The following MYO5B variants were observed in gnomAD, a reference collection of about 807,000 sequenced individuals.
The protein encoded by MYO5B is unconventional myosin-Vb.
Under a neutral mutation model 229.3 loss-of-function variants are expected in MYO5B, and 143 were observed. The observed-to-expected ratio is 0.62, with a 90% CI of 0.54 to 0.72. The LOEUF (loss-of-function observed/expected upper bound fraction) is 0.72, where lower values mean the gene tolerates loss of function less well. Among genes scored for constraint, MYO5B ranks in the 30% least tolerant of loss-of-function variants. The probability of loss-of-function intolerance (pLI) is 0.00; values close to 1 mark genes in which losing one functional copy is unlikely to be tolerated. For synonymous variants in MYO5B, 918 were observed against 885.2 expected, an observed-to-expected ratio of 1.04 and a Z score of -0.66; for missense variants, 2,321 against 2,331.0, an observed-to-expected ratio of 1.00 and a Z score of 0.09.
intron 38 of MYO5B, 25 bp from the exon 39 acceptor site, chr18:49,835,449 A>G (rs1444374359): frequency 6.9e-7 from 1 of 1,453,462 alleles, no homozygotes; most frequent in East Asian, 2.3e-5. Context: ...AACGGAATTT[A>G]GCACAGAGCT....
intron 4 of MYO5B, among the ~76,000 whole-genome samples, chr18:50,025,730 C>T (rs1371519693): frequency 6.6e-6 from 1 of 152,228 alleles, no homozygotes; most frequent in African/African-American, 2.4e-5. Context: ...TGGCCACCTT[C>T]TCTCATCTTC....
chr18:50,161,810 G>A (rs1173492292), intron 1 of MYO5B, among the ~76,000 whole-genome samples: 3 of 152,236 alleles, frequency 2.0e-5, no homozygotes, highest in African/African-American at 7.2e-5. Context: ...CTGCTGCCCT[G>A]AAGCAAAGTC....
intron 14 of MYO5B, among the ~76,000 whole-genome samples, chr18:49,944,614 T>TA (rs2025350922): frequency 6.6e-6 from 1 of 152,078 alleles, no homozygotes; most frequent in Non-Finnish European, 1.5e-5. Flanking sequence ...TACTAGATTT[T>TA]AACTTGCTCA....
intron 14 of MYO5B, among the ~76,000 whole-genome samples, chr18:49,944,805 T>C (rs2025353121): frequency 6.6e-6 from 1 of 152,036 alleles, no homozygotes; most frequent in African/African-American, 2.4e-5. Flanking sequence ...CTCTTCTCAC[T>C]TTACCATCGA....
At chr18:49,846,150 G>T (rs765553664) in intron 33 of MYO5B, among the ~76,000 whole-genome samples, 1 of 152,188 alleles carries the variant, frequency 6.6e-6, no homozygotes, top group Non-Finnish European at 1.5e-5. Context: ...GCAGATGATC[G>T]CAGGGACAGT....
intron 5 of MYO5B, among the ~76,000 whole-genome samples, chr18:49,997,312 T>C (rs1217713273): frequency 8.6e-6 from 1 of 115,898 alleles, no homozygotes; most frequent in African/African-American, 3.5e-5. Flanking sequence ...ATCCTGAAAA[T>C]AACATATCTG....
chr18:50,113,642 A>G (rs1466418974), intron 1 of MYO5B, among the ~76,000 whole-genome samples: 2 of 152,242 alleles, frequency 1.3e-5, no homozygotes, highest in African/African-American at 2.4e-5. Flanking sequence ...AAAAGCATCA[A>G]CTACACAAAG....
intron 1 of MYO5B, among the ~76,000 whole-genome samples, chr18:50,139,392 C>T (rs921038154): frequency 2.0e-5 from 3 of 152,222 alleles, no homozygotes; most frequent in South Asian, 2.1e-4. Flanking sequence ...GGCACATGAA[C>T]GAACAGGGTG....
At chr18:50,045,181 T>C (rs1354134355) in intron 2 of MYO5B, among the ~76,000 whole-genome samples, 1 of 152,066 alleles carries the variant, frequency 6.6e-6, no homozygotes, top group Non-Finnish European at 1.5e-5. Context: ...CCCTGGAATA[T>C]TTAGGGACTC....
chr18:50,149,441 A>C (rs1450363721), intron 1 of MYO5B, among the ~76,000 whole-genome samples: 1 of 151,708 alleles, frequency 6.6e-6, no homozygotes, highest in East Asian at 1.9e-4. Flanking sequence ...ACTATACTAC[A>C]AGGCTACAGT....
At chr18:49,969,821 G>A (rs1201987327) in intron 10 of MYO5B, 3 of 152,186 alleles carry the variant, frequency 2.0e-5, no homozygotes, top group Admixed American at 2.0e-4. Flanking sequence ...CTGCTTCCTG[G>A]GGTCAAAACT....
At chr18:49,910,904 T>C (rs757189852) in intron 18 of MYO5B, among the ~76,000 whole-genome samples, 10 of 152,226 alleles carry the variant, frequency 6.6e-5, no homozygotes, top group Non-Finnish European at 1.3e-4. Context: ...TTAATGATCA[T>C]ACTCTGCTGT....
chr18:49,918,783 C>A (rs1487733109), intron 17 of MYO5B, among the ~76,000 whole-genome samples: 1 of 152,186 alleles, frequency 6.6e-6, no homozygotes, highest in Non-Finnish European at 1.5e-5. Context: ...TGCCACCAAG[C>A]AACATACACT....
At chr18:49,841,339 T>C (rs202119018) in intron 35 of MYO5B, 26 bp downstream of exon 35, 586 of 1,609,576 alleles carry the variant, frequency 3.6e-4, no homozygotes, top group Middle Eastern at 1.2e-3. Context: ...CAGGAATGCC[T>C]CCTGGGTGCC....
At chr18:49,829,163 C>G (rs1347648281) in intron 39 of MYO5B, among the ~76,000 whole-genome samples, 1 of 150,874 alleles carries the variant, frequency 6.6e-6, no homozygotes, top group African/African-American at 2.4e-5. Flanking sequence ...CTCACAATCT[C>G]CGCCTCCCAG....
At chr18:50,055,205 C>G (rs2144417129) in intron 2 of MYO5B, 63 bp downstream of exon 2, 2 of 1,117,316 alleles carry the variant, frequency 1.8e-6, no homozygotes, top group Non-Finnish European at 2.7e-6. Context: ...ACTCCTGTTC[C>G]TTGCACACCT....
intron 37 of MYO5B, among the ~76,000 whole-genome samples, chr18:49,837,307 A>G (rs1369211364): frequency 2.6e-5 from 4 of 152,180 alleles, no homozygotes; most frequent in African/African-American, 9.7e-5. Context: ...GCTTTGAACT[A>G]ATTTGTTTAC....
At chr18:49,918,759 G>A (rs1420198422) in intron 17 of MYO5B, among the ~76,000 whole-genome samples, 1 of 152,192 alleles carries the variant, frequency 6.6e-6, no homozygotes, top group Non-Finnish European at 1.5e-5. Flanking sequence ...TTGAGACATG[G>A]ATCATCTTCA....
intron 2 of MYO5B, among the ~76,000 whole-genome samples, chr18:50,043,454 AAT>A (rs1206958107): frequency 1.7e-5 from 2 of 118,636 alleles, no homozygotes; most frequent in African/African-American, 3.6e-5. Flanking sequence ...TAAATATTTA[AAT>A]ATATTTGTAT....
Sources: allele counts gnomAD v4.1 joint callset (sites outside exome capture counted in the v4.1 genomes callset), GRCh38; gene constraint gnomAD v4.1.1; transcripts MANE v1.5; gene names NCBI Gene and HGNC (gene_info 2026-07-23, HGNC 2026-07-21).